Variants in ERC1 observed in about 807,000 individuals in gnomAD.
ERC1 encodes the protein RAB6 interacting protein 2.
Under a neutral mutation model 132.0 loss-of-function variants are expected in ERC1, and 56 were observed. The observed-to-expected ratio is 0.42, with a 90% CI of 0.34 to 0.53. The LOEUF (loss-of-function observed/expected upper bound fraction) is 0.53, where lower values mean the gene tolerates loss of function less well. Among genes scored for constraint, ERC1 ranks in the 20% least tolerant of loss-of-function variants. The pLI, the probability that ERC1 is intolerant of heterozygous loss-of-function variation, is 0.03. For missense variants in ERC1, 1,202 were observed against 1,349.9 expected, an observed-to-expected ratio of 0.89 and a Z score of 1.72; for synonymous variants, 478 against 476.1, an observed-to-expected ratio of 1.00 and a Z score of -0.05.
chr12:1,243,911 G>A (rs78467101), intron 13 of ERC1, among the ~76,000 whole-genome samples: 4,528 of 152,214 alleles, frequency 0.03, 107 homozygotes, highest in East Asian at 0.074. Flanking sequence ...AACCTAATAC[G>A]TATGGCCATA....
At chr12:1,329,845 G>A (rs2082734844) in intron 15 of ERC1, among the ~76,000 whole-genome samples, 1 of 152,334 alleles carries the variant, frequency 6.6e-6, no homozygotes, top group Non-Finnish European at 1.5e-5. Context: ...GAATTTGAAG[G>A]AAAGGGAGGA....
intron 14 of ERC1, among the ~76,000 whole-genome samples, chr12:1,266,967 C>G (rs2077523484): frequency 6.6e-6 from 1 of 152,186 alleles, no homozygotes; most frequent in Non-Finnish European, 1.5e-5. Flanking sequence ...GGAGCCATAG[C>G]TCTTATTAAA....
intron 14 of ERC1, among the ~76,000 whole-genome samples, chr12:1,286,667 A>G (rs1293807572): frequency 1.3e-5 from 2 of 152,200 alleles, no homozygotes; most frequent in Non-Finnish European, 2.9e-5. Context: ...ATTTGTCTAT[A>G]TAGTAAACTT....
intron 8 of ERC1, among the ~76,000 whole-genome samples, chr12:1,171,014 T>C (rs1952998157): frequency 6.6e-6 from 1 of 152,222 alleles, no homozygotes; most frequent in Non-Finnish European, 1.5e-5. Context: ...TCTTTTGTTT[T>C]ACAGTTAAAG....
intron 12 of ERC1, 73 bp from the exon 13 acceptor site, chr12:1,236,696 T>C: frequency 6.9e-7 from 1 of 1,444,144 alleles, no homozygotes; most frequent in Non-Finnish European, 9.4e-7. Context: ...GTCACTGGTG[T>C]AAGTCTCTAG....
intron 15 of ERC1, among the ~76,000 whole-genome samples, chr12:1,316,334 C>T (rs1043806135): frequency 6.6e-6 from 1 of 152,044 alleles, no homozygotes; most frequent in Non-Finnish European, 1.5e-5. Context: ...TTAACCATGC[C>T]AATTTTTGCT....
Position 1,371,886 on chromosome 12 carries a change from T to C in ERC1, c.2834T>C (p.Leu945Ser). ...ISEKDANIAL[L>S]ELSSSKKKTQ... ...GAAAAAGACGCCAATATAGCTCTCT[T>C]GGAGCTTTCGTCCTCTAAGAAGAAG... Residue 945 changes from leucine to serine, a missense_variant, in exon 16 of 19, where the codon TTG (leucine) becomes TCG (serine). Coordinates refer to ENST00000360905, the MANE Select transcript of ERC1 (RefSeq NM_178040.4). 1.2e-6 allele frequency: 2 copies of C among 1,614,108 alleles called. No individual in the cohort carries two copies. Among genetic ancestry groups the C allele is most frequent in the South Asian group, 1.1e-5 (1 of 91,058 alleles).
chr12:1,417,026 A>C (rs1002859243), intron 17 of ERC1, among the ~76,000 whole-genome samples: 1 of 152,126 alleles, frequency 6.6e-6, no homozygotes, highest in Non-Finnish European at 1.5e-5. Flanking sequence ...CTTACTCTTC[A>C]ACTCTGGATT....
intron 4 of ERC1, among the ~76,000 whole-genome samples, chr12:1,108,859 T>A (rs1283382774): frequency 2.0e-5 from 3 of 152,188 alleles, no homozygotes; most frequent in Admixed American, 1.3e-4. Context: ...CTCCCCTCCC[T>A]TGAACCTGAA....
chr12:1,394,047 A>AAAAAAAAAAAAAAC (rs1566758165), intron 16 of ERC1, among the ~76,000 whole-genome samples: 1 of 59,884 alleles, frequency 1.7e-5, no homozygotes, highest in African/African-American at 9.4e-5. Flanking sequence ...AAAAAAAACC[A>AAAAAAAAAAAAAAC]CAAAGCATTA....
chr12:1,356,585 CA>C (rs1302915337), intron 15 of ERC1, among the ~76,000 whole-genome samples: 1 of 152,082 alleles, frequency 6.6e-6, no homozygotes, highest in Non-Finnish European at 1.5e-5. Flanking sequence ...AAATTAAAAA[CA>C]AAAACACTTT....
At chr12:1,461,678 A>G (rs2093648455) in intron 18 of ERC1, among the ~76,000 whole-genome samples, 2 of 152,110 alleles carry the variant, frequency 1.3e-5, no homozygotes. Context: ...AAAAAATAAT[A>G]ATAATAATAA....
At chr12:1,419,103 G>A (rs1430405859) in intron 17 of ERC1, among the ~76,000 whole-genome samples, 1 of 151,882 alleles carries the variant, frequency 6.6e-6, no homozygotes, top group African/African-American at 2.4e-5. Context: ...CTGTTATAGG[G>A]TTCTCCCCCA....
intron 2 of ERC1, among the ~76,000 whole-genome samples, chr12:1,049,337 C>G (rs1971549566): frequency 6.6e-6 from 1 of 152,240 alleles, no homozygotes; most frequent in Admixed American, 6.5e-5. Flanking sequence ...TTGACAACAT[C>G]TCTAGCTGAA....
rs559135853 is a variant in ERC1 at position 1,201,232 on chromosome 12, C to T, written c.2351+11180C>T. 2.0e-5 allele frequency among the ~76,000 whole-genome samples: 3 copies of T among 152,204 alleles called. No individual in the cohort carries two copies. In the South Asian group the frequency reaches 6.2e-4, roughly 32 times the overall value. On this transcript the variant is annotated intron_variant, in intron 12 of 18. Transcript: ENST00000360905. The stretch of plus-strand genomic sequence containing the variant: ...TTAACATCTCTGAAATTGGGATACA[C>T]GTACAAGTAAATGGCATGGTATAAT...
At chr12:1,156,898 G>C (rs1349025589) in intron 8 of ERC1, among the ~76,000 whole-genome samples, 1 of 151,866 alleles carries the variant, frequency 6.6e-6, no homozygotes, top group Non-Finnish European at 1.5e-5. Flanking sequence ...TGATTTATAG[G>C]AAGTTTTTCC....
chr12:1,177,881 G>A (rs936954975), intron 8 of ERC1, among the ~76,000 whole-genome samples: 1 of 152,190 alleles, frequency 6.6e-6, no homozygotes, highest in African/African-American at 2.4e-5. Context: ...CGTATATGGA[G>A]TACTGAATTT....
chr12:1,047,521 A>G lies in ERC1; in HGVS notation c.669+18949A>G, dbSNP rs181947869. Among the ~76,000 whole-genome samples the G allele has an allele frequency of 5.9e-5, 9 of 152,220 alleles. No individual in the cohort carries two copies. In the East Asian group the frequency reaches 1.7e-3, roughly 29 times the overall value. ...TTTTAGAGATGGCTTTGGGTGGAGG[A>G]GGTAAGGTTTCAAGAACTGGTTGAA... On this transcript the variant is annotated intron_variant, in intron 2 of 18. Transcript: ENST00000360905.
intron 15 of ERC1, among the ~76,000 whole-genome samples, chr12:1,367,390 T>C (rs914176307): frequency 2.8e-4 from 42 of 152,236 alleles, no homozygotes; most frequent in Non-Finnish European, 8.8e-5. Context: ...GTCATTCAAT[T>C]TGACATACTC....
Sources: gnomAD v4.1 joint callset for allele counts (sites outside exome capture counted in the v4.1 genomes callset) on GRCh38, gnomAD v4.1.1 for gene constraint, MANE v1.5 for transcripts, NCBI Gene and HGNC (gene_info 2026-07-23, HGNC 2026-07-21) for gene names.